GULP1: variants seen among roughly 807,000 people sequenced by gnomAD.
The protein encoded by GULP1 is PTB domain-containing engulfment adapter protein 1.
GULP1 carries 19 observed loss-of-function variants against 40.9 expected under a neutral mutation model. The ratio of observed to expected loss-of-function variants is 0.46; its 90% CI spans 0.32 to 0.68. The LOEUF (loss-of-function observed/expected upper bound fraction) is 0.68, where lower values mean the gene tolerates loss of function less well. Among genes scored for constraint, GULP1 ranks in the 30% least tolerant of loss-of-function variants. The pLI, the probability that GULP1 is intolerant of heterozygous loss-of-function variation, is 0.03. For synonymous variants in GULP1, 119 were observed against 117.6 expected (o/e 1.01, Z -0.08); for missense variants, 312 against 362.2 (o/e 0.86, Z 1.12).
At chr2:188,558,602 G>A (rs551437738) in intron 7 of GULP1, among the ~76,000 whole-genome samples, 1 of 152,202 alleles carries the variant, frequency 6.6e-6, no homozygotes, top group Non-Finnish European at 1.5e-5. Context: ...CAGGCAGAGG[G>A]TGGAACAGTT....
chr2:188,521,085 T>C (rs1316691346), intron 4 of GULP1, among the ~76,000 whole-genome samples: 4 of 152,070 alleles, frequency 2.6e-5, no homozygotes, highest in African/African-American at 9.7e-5. Flanking sequence ...ATAGGAGAAG[T>C]GATTAATTCG....
chr2:188,445,461 C>T (rs142142660), intron 2 of GULP1, among the ~76,000 whole-genome samples: 1 of 152,202 alleles, frequency 6.6e-6, no homozygotes, highest in East Asian at 1.9e-4. Context: ...ACTAAGTGCT[C>T]TAGCAATCAA....
At chr2:188,447,384 G>T (rs548540674) in intron 2 of GULP1, among the ~76,000 whole-genome samples, 11 of 152,262 alleles carry the variant, frequency 7.2e-5, no homozygotes, top group Admixed American at 4.6e-4. Flanking sequence ...AATTTGGATT[G>T]CCCTGGCCGA....
chr2:188,459,433 A>C (rs1296802194), intron 2 of GULP1, among the ~76,000 whole-genome samples: 3 of 152,100 alleles, frequency 2.0e-5, no homozygotes, highest in African/African-American at 7.2e-5. Flanking sequence ...CAGAAAATAC[A>C]TCCTTTTCAT....
chr2:188,544,170 C>A (rs1030812792), intron 7 of GULP1, among the ~76,000 whole-genome samples: 3 of 151,974 alleles, frequency 2.0e-5, no homozygotes, highest in Non-Finnish European at 2.9e-5. Context: ...AAATAATTTC[C>A]AGTATTTCAT....
rs368615881 is a variant in GULP1 at position 188,556,764 on chromosome 2, G to A, written c.400-12475G>A. Among the ~76,000 whole-genome samples the A allele has an allele frequency of 2.0e-3, 302 of 152,244 alleles. 3 individuals carry two copies. Among genetic ancestry groups the A allele is most frequent in the African/African-American group, 5.9e-3 (245 of 41,562 alleles). On this transcript the variant is annotated intron_variant, in intron 7 of 11. Transcript: ENST00000409830. ...AATCTACTACCACGTTGCTGGGCAC[G>A]GTGGCTCACGCCTGTAATCCCAGCA...
chr2:188,306,116 T>C (rs1353114871), intron 1 of GULP1, among the ~76,000 whole-genome samples: 1 of 152,138 alleles, frequency 6.6e-6, no homozygotes, highest in Non-Finnish European at 1.5e-5. Flanking sequence ...CTTGGTTTTG[T>C]CAAATGATAA....
At chr2:188,486,616 T>C (rs2061883810) in intron 4 of GULP1, among the ~76,000 whole-genome samples, 1 of 151,982 alleles carries the variant, frequency 6.6e-6, no homozygotes, top group Non-Finnish European at 1.5e-5. Flanking sequence ...TCTACATTCT[T>C]TCAATTTATG....
intron 2 of GULP1, among the ~76,000 whole-genome samples, chr2:188,395,388 C>T (rs2051105048): frequency 6.6e-6 from 1 of 152,192 alleles, no homozygotes; most frequent in Admixed American, 6.5e-5. Flanking sequence ...TGAATTGTTC[C>T]AGAAAGGCTG....
chr2:188,450,471 G>A (rs1396021275), intron 2 of GULP1, among the ~76,000 whole-genome samples: 1 of 152,092 alleles, frequency 6.6e-6, no homozygotes, highest in Non-Finnish European at 1.5e-5. Context: ...AACTAGCTTA[G>A]TGTGCACATT....
intron 2 of GULP1, among the ~76,000 whole-genome samples, chr2:188,399,897 T>C (rs993683002): frequency 3.3e-5 from 5 of 152,126 alleles, no homozygotes; most frequent in Non-Finnish European, 5.9e-5. Context: ...ATTGCTATCC[T>C]TGACAATGAG....
intron 4 of GULP1, among the ~76,000 whole-genome samples, chr2:188,488,413 T>G (rs1267177882): frequency 6.6e-6 from 1 of 152,044 alleles, no homozygotes; most frequent in African/African-American, 2.4e-5. Flanking sequence ...GTTAGGAGAT[T>G]TAAGTGAGTT....
chr2:188,499,173 A>C (rs1236390717), intron 4 of GULP1, among the ~76,000 whole-genome samples: 1 of 138,798 alleles, frequency 7.2e-6, no homozygotes, highest in Non-Finnish European at 1.5e-5. Context: ...ATATATATGA[A>C]CTCTGCATTT....
chr2:188,490,906 T>G (rs971237011), intron 4 of GULP1, among the ~76,000 whole-genome samples: 14 of 151,982 alleles, frequency 9.2e-5, no homozygotes, highest in Non-Finnish European at 2.1e-4. Flanking sequence ...TGGGCTCAGG[T>G]GATCCTCATA....
intron 9 of GULP1, among the ~76,000 whole-genome samples, chr2:188,581,253 C>T (rs1418051820): frequency 6.6e-6 from 1 of 152,130 alleles, no homozygotes; most frequent in Non-Finnish European, 1.5e-5. Context: ...GCTAGCCCTT[C>T]CCTTCTCCCT....
intron 2 of GULP1, among the ~76,000 whole-genome samples, chr2:188,455,827 A>G (rs2059211044): frequency 6.6e-6 from 1 of 152,194 alleles, no homozygotes; most frequent in South Asian, 2.1e-4. Context: ...CTTCCTAGAC[A>G]CTTGTTGAAT....
chr2:188,393,492 C>T (rs1446066215), intron 2 of GULP1, among the ~76,000 whole-genome samples: 1 of 151,974 alleles, frequency 6.6e-6, no homozygotes, highest in Non-Finnish European at 1.5e-5. Flanking sequence ...CTCTTGAAAA[C>T]AGCAGATATT....
chr2:188,531,802 A>G (rs535952504), intron 6 of GULP1, among the ~76,000 whole-genome samples: 3 of 152,364 alleles, frequency 2.0e-5, no homozygotes, highest in African/African-American at 7.2e-5. Context: ...GGACAATGCA[A>G]TCAAAAGTGT....
At chr2:188,412,436 C>T (rs77063533) in intron 2 of GULP1, among the ~76,000 whole-genome samples, 2,863 of 152,188 alleles carry the variant, frequency 0.019, 91 homozygotes, top group African/African-American at 0.065. Flanking sequence ...AGCCTGTTGA[C>T]TCAGAGGTAG....
Sources: allele counts gnomAD v4.1 joint callset (sites outside exome capture counted in the v4.1 genomes callset), GRCh38; gene constraint gnomAD v4.1.1; transcripts MANE v1.5; gene names NCBI Gene and HGNC (gene_info 2026-07-23, HGNC 2026-07-21).